The following RGS6 variants were observed in gnomAD, a reference collection of about 807,000 sequenced individuals.
RGS6 encodes regulator of G-protein signaling 6.
In RGS6, 30 loss-of-function variants were observed where a neutral mutation model predicts 78.5. That is an observed-to-expected ratio of 0.38 (90% CI 0.29 to 0.52). The LOEUF (loss-of-function observed/expected upper bound fraction) is 0.52. Ranked by LOEUF, RGS6 falls within the 20% of genes least tolerant of loss-of-function variation. The pLI, the probability that RGS6 is intolerant of heterozygous loss-of-function variation, is 0.85. For synonymous variants in RGS6, 206 were observed against 206.0 expected (o/e 1.00, Z 0.00); for missense variants, 495 against 609.7 (o/e 0.81, Z 1.98).
At chr14:72,127,651 CAGTTGCAAGAAATA>C (rs1248243104) in intron 2 of RGS6, among the ~76,000 whole-genome samples, 2 of 152,108 alleles carry the variant, frequency 1.3e-5, no homozygotes, top group Non-Finnish European at 2.9e-5. Context: ...TTATTTCTTG[CAGTTGCAAGAAATA>C]ACACAGAGTT....
intron 13 of RGS6, among the ~76,000 whole-genome samples, chr14:72,508,576 T>TTC (rs2096839881): frequency 6.8e-6 from 1 of 146,318 alleles, no homozygotes; most frequent in South Asian, 2.2e-4. Context: ...TTTTTTTTTT[T>TTC]TTTTTTTTTT....
intron 2 of RGS6, among the ~76,000 whole-genome samples, chr14:72,074,711 T>A (rs1350894308): frequency 1.3e-5 from 2 of 152,178 alleles, no homozygotes; most frequent in African/African-American, 4.8e-5. Flanking sequence ...CTTGTTTCTA[T>A]CCTATCTCAT....
chr14:71,960,659 G>A (rs376744522), intron 1 of RGS6, among the ~76,000 whole-genome samples: 2 of 152,182 alleles, frequency 1.3e-5, no homozygotes, highest in Non-Finnish European at 2.9e-5. Context: ...AGATAGTTGC[G>A]AATCCCTGTT....
chr14:72,241,450 T>C (rs1015924122), intron 2 of RGS6, among the ~76,000 whole-genome samples: 14 of 152,194 alleles, frequency 9.2e-5, no homozygotes, highest in African/African-American at 3.4e-4. Flanking sequence ...AGCAAATTCC[T>C]TTTTTTCTCT....
At position 72,197,778 on chromosome 14, in the gene RGS6, T is replaced by C. The variant is rs75211416; in HGVS notation, c.85-154317T>C. Among the ~76,000 whole-genome samples, 59 of 152,144 alleles carry C rather than the reference T, an allele frequency of 3.9e-4. No homozygotes were observed. The East Asian group carries it at 0.011, about 27-fold the overall frequency. On this transcript the variant is annotated intron_variant, in intron 2 of 17. Coordinates refer to ENST00000553525, the MANE Select transcript of RGS6 (RefSeq NM_001204424.2). ...CTCAAGGCATGTGGTCCCCAGTGGG[T>C]CACGCCCACCAGAATCCTCTGCTGT... is the stretch of plus-strand genomic sequence containing the variant.
intron 2 of RGS6, among the ~76,000 whole-genome samples, chr14:72,132,848 A>G (rs1258318803): frequency 6.6e-6 from 1 of 151,046 alleles, no homozygotes; most frequent in Non-Finnish European, 1.5e-5. Flanking sequence ...CTTTGAGGCC[A>G]GAGACTTGGC....
the RGS6 span, among the ~76,000 whole-genome samples, chr14:72,584,069 G>A: frequency 6.6e-6 from 1 of 152,202 alleles, no homozygotes; most frequent in Non-Finnish European, 1.5e-5. Flanking sequence ...AACATAAATG[G>A]TCATATTTCA....
intron 1 of RGS6, among the ~76,000 whole-genome samples, chr14:71,934,549 T>G (rs2088651217): frequency 6.6e-6 from 1 of 152,246 alleles, no homozygotes; most frequent in Non-Finnish European, 1.5e-5. Context: ...AGCAATAAAT[T>G]CATCTTATCA....
intron 1 of RGS6, among the ~76,000 whole-genome samples, chr14:71,957,216 G>C (rs2092855816): frequency 6.6e-6 from 1 of 152,172 alleles, no homozygotes; most frequent in African/African-American, 2.4e-5. Flanking sequence ...CCTCTGAGAG[G>C]CGGAAGCTGG....
the RGS6 span, among the ~76,000 whole-genome samples, chr14:71,907,538 A>G: frequency 9.9e-5 from 15 of 152,260 alleles, no homozygotes; most frequent in South Asian, 2.1e-4. Context: ...GGCACAGGTC[A>G]GGGAGGTCCT....
At chr14:72,279,164 A>G (rs1224885918) in intron 2 of RGS6, among the ~76,000 whole-genome samples, 1 of 151,932 alleles carries the variant, frequency 6.6e-6, no homozygotes, top group African/African-American at 2.4e-5. Flanking sequence ...AAACTTTGAG[A>G]AACAGGAAAA....
At chr14:72,466,712 G>C (rs1468060041) in intron 7 of RGS6, among the ~76,000 whole-genome samples, 1 of 152,178 alleles carries the variant, frequency 6.6e-6, no homozygotes, top group Non-Finnish European at 1.5e-5. Flanking sequence ...GATTGCTAGT[G>C]GTTATGGATG....
chr14:72,140,943 A>G (rs768457610), intron 2 of RGS6, among the ~76,000 whole-genome samples: 4 of 151,946 alleles, frequency 2.6e-5, no homozygotes, highest in Non-Finnish European at 5.9e-5. Flanking sequence ...TGACCATACA[A>G]CTCTTACCGT....
At chr14:72,089,954 T>C (rs1467156005) in intron 2 of RGS6, among the ~76,000 whole-genome samples, 7 of 151,992 alleles carry the variant, frequency 4.6e-5, no homozygotes, top group Admixed American at 6.5e-5. Flanking sequence ...GGAAACAGCT[T>C]TATAGTAGAT....
chr14:72,305,042 A>G (rs1692111485), intron 2 of RGS6, among the ~76,000 whole-genome samples: 1 of 152,168 alleles, frequency 6.6e-6, no homozygotes, highest in Admixed American at 6.5e-5. Flanking sequence ...GAGGTGAAAA[A>G]TGTCAAGTCC....
At chr14:72,296,013 C>T (rs1282302850) in intron 2 of RGS6, among the ~76,000 whole-genome samples, 1 of 152,196 alleles carries the variant, frequency 6.6e-6, no homozygotes, top group Non-Finnish European at 1.5e-5. Context: ...TCTTATTCCC[C>T]TTCCCAATAA....
intron 2 of RGS6, among the ~76,000 whole-genome samples, chr14:72,184,447 A>G (rs566709249): frequency 3.9e-3 from 597 of 151,570 alleles, no homozygotes; most frequent in Non-Finnish European, 7.6e-3. Flanking sequence ...AGCCCAACCC[A>G]ACAAACCACT....
At chr14:72,113,353 G>A (rs1213421669) in intron 2 of RGS6, among the ~76,000 whole-genome samples, 8 of 152,168 alleles carry the variant, frequency 5.3e-5, no homozygotes. Flanking sequence ...TCAGACTCAG[G>A]ACTCCTGTTT....
the RGS6 span, among the ~76,000 whole-genome samples, chr14:72,617,285 CT>C: frequency 1.3e-5 from 2 of 152,202 alleles, no homozygotes; most frequent in Non-Finnish European, 1.5e-5. Context: ...ATTTGGGGAA[CT>C]TTTTTTTCTA....
Sources: gnomAD v4.1 joint callset for allele counts (sites outside exome capture counted in the v4.1 genomes callset) on GRCh38, gnomAD v4.1.1 for gene constraint, MANE v1.5 for transcripts, NCBI Gene and HGNC (gene_info 2026-07-23, HGNC 2026-07-21) for gene names.